Variants in FLNB observed in about 807,000 individuals in gnomAD.
FLNB encodes the protein filamin B.
A neutral mutation model predicts 250.6 loss-of-function variants in FLNB; 111 were observed. That is an observed-to-expected ratio of 0.44 (90% CI 0.38 to 0.52). FLNB has a LOEUF of 0.52. Ranked by LOEUF, FLNB falls within the 20% of genes least tolerant of loss-of-function variation. The pLI, the probability that FLNB is intolerant of heterozygous loss-of-function variation, is 0.00. For synonymous variants in FLNB, 1,302 were observed against 1,372.1 expected, an observed-to-expected ratio of 0.95 and a Z score of 1.13; for missense variants, 2,869 against 3,447.8, an observed-to-expected ratio of 0.83 and a Z score of 4.20.
chr3:58,170,504 T>C (rs542309411), intron 45 of FLNB, 71 bp from the exon 46 acceptor site: 1 of 1,486,480 alleles, frequency 6.7e-7, no homozygotes, highest in Admixed American at 1.8e-5. Flanking sequence ...TACCTTTGGC[T>C]CTCATATTTC....
At chr3:58,166,809 A>T (rs969405137) in intron 43 of FLNB, among the ~76,000 whole-genome samples, 6 of 128,060 alleles carry the variant, frequency 4.7e-5, no homozygotes, top group Admixed American at 8.3e-5. Context: ...GCAACAGAGG[A>T]AGACTTTATC....
chr3:58,033,022 G>A (rs759790127), intron 1 of FLNB, among the ~76,000 whole-genome samples: 4 of 152,100 alleles, frequency 2.6e-5, no homozygotes, highest in African/African-American at 9.7e-5. Context: ...GCAGTGAGCT[G>A]AGATTGCATG....
In FLNB at chr3:58,148,713, T is replaced by C; in HGVS notation, c.5952T>C (p.His1984=). The change falls in exon 36 of 46, where the codon CAT becomes CAC. Residue 1984 remains histidine (H), a synonymous_variant. Coordinates refer to ENST00000295956, the MANE Select transcript of FLNB (RefSeq NM_001457.4). Reference sequence around the variant, plus strand: ...TCAGCATCAAGAAAAATGGCAACCATGTGGCCAACAGCCCCGTGTCTATCA... The same window carrying C: ...TCAGCATCAAGAAAAATGGCAACCACGTGGCCAACAGCCCCGTGTCTATCA... ...HLVSIKKNGN[H]VANSPVSIMV... 6.2e-7 allele frequency: 1 copy of C among 1,614,036 alleles called. No individual in the cohort carries two copies. Among genetic ancestry groups the C allele is most frequent in the Non-Finnish European group, 8.5e-7 (1 of 1,179,982 alleles).
At chr3:58,112,453 T>A in intron 18 of FLNB, 135 bp downstream of exon 18, 1 of 878,234 alleles carries the variant, frequency 1.1e-6, no homozygotes, top group Non-Finnish European at 1.9e-6. Context: ...AGGCAGCTCC[T>A]GGCACTTTGA....
intron 1 of FLNB, among the ~76,000 whole-genome samples, chr3:58,047,913 G>T (rs761862066): frequency 5.9e-5 from 9 of 152,028 alleles, no homozygotes; most frequent in Non-Finnish European, 1.3e-4. Context: ...CTCGTATCAT[G>T]ACCCTTCACC....
intron 1 of FLNB, among the ~76,000 whole-genome samples, chr3:58,048,269 C>G (rs1030290030): frequency 2.6e-5 from 4 of 152,268 alleles, no homozygotes. Context: ...TTGAAGAAAT[C>G]AGGCCCGTTG....
At chr3:58,115,618 C>T (rs987154039) in intron 18 of FLNB, among the ~76,000 whole-genome samples, 1 of 152,206 alleles carries the variant, frequency 6.6e-6, no homozygotes, top group East Asian at 1.9e-4. Flanking sequence ...CCCAAGGTCA[C>T]ATTCATCCAG....
intron 1 of FLNB, among the ~76,000 whole-genome samples, chr3:58,019,868 G>T (rs527651298): frequency 6.6e-6 from 1 of 152,292 alleles, no homozygotes; most frequent in South Asian, 2.1e-4. Context: ...CCCTGCCTTT[G>T]GTTTCCAGGG....
At chr3:58,168,733 CTA>C (rs2097375367) in intron 44 of FLNB, 75 bp downstream of exon 44, 3 of 1,090,834 alleles carry the variant, frequency 2.8e-6, no homozygotes, top group South Asian at 1.3e-5. Flanking sequence ...ATAGTGGAAA[CTA>C]TGGATGGTTT....
At chr3:58,052,961 T>C (rs2097164805) in intron 1 of FLNB, among the ~76,000 whole-genome samples, 2 of 152,352 alleles carry the variant, frequency 1.3e-5, no homozygotes, top group South Asian at 2.1e-4. Flanking sequence ...TTTTTTCTGC[T>C]AGGCAACTGC....
chr3:58,027,371 G>A (rs1320163891), intron 1 of FLNB, among the ~76,000 whole-genome samples: 3 of 151,776 alleles, frequency 2.0e-5, no homozygotes, highest in African/African-American at 4.8e-5. Context: ...GTTGGAGTGC[G>A]GTGGCCCGGT....
intron 41 of FLNB, among the ~76,000 whole-genome samples, chr3:58,156,347 G>A (rs1361081554): frequency 6.6e-6 from 1 of 152,202 alleles, no homozygotes; most frequent in African/African-American, 2.4e-5. Flanking sequence ...GTTTATTTAA[G>A]AGAAACAAAG....
chr3:58,078,055 T>C (rs1483331259), intron 2 of FLNB, among the ~76,000 whole-genome samples: 1 of 152,246 alleles, frequency 6.6e-6, no homozygotes, highest in East Asian at 1.9e-4. Flanking sequence ...TTAGTGGTTC[T>C]TGACATACTC....
chr3:58,034,460 G>A (rs952623701), intron 1 of FLNB, among the ~76,000 whole-genome samples: 2 of 151,442 alleles, frequency 1.3e-5, no homozygotes, highest in African/African-American at 4.9e-5. Context: ...AGTGGTAAGC[G>A]AATCCCTGCT....
chr3:58,055,781 A>G (rs1233463960), intron 1 of FLNB, among the ~76,000 whole-genome samples: 1 of 152,244 alleles, frequency 6.6e-6, no homozygotes, highest in East Asian at 1.9e-4. Flanking sequence ...TTAATAATAT[A>G]CATGGAATTG....
At chr3:58,082,774 C>CAA (rs11325453) in intron 4 of FLNB, among the ~76,000 whole-genome samples, 4 of 142,170 alleles carry the variant, frequency 2.8e-5, no homozygotes, top group Admixed American at 6.9e-5. Context: ...GCCTCCGTCT[C>CAA]AAAAAAAAAA....
chr3:58,041,903 T>A (rs2097146575), intron 1 of FLNB, among the ~76,000 whole-genome samples: 1 of 152,160 alleles, frequency 6.6e-6, no homozygotes, highest in South Asian at 2.1e-4. Context: ...ACCAGAAGGG[T>A]TCCTCATCCA....
chr3:58,024,770 A>G (rs1259936488), intron 1 of FLNB, among the ~76,000 whole-genome samples: 2 of 133,996 alleles, frequency 1.5e-5, no homozygotes, highest in African/African-American at 2.8e-5. Context: ...CTGGATTGCA[A>G]TGGTGCAGTC....
chr3:58,158,544 TA>T (rs2097356673), intron 41 of FLNB, among the ~76,000 whole-genome samples: 1 of 152,194 alleles, frequency 6.6e-6, no homozygotes, highest in South Asian at 2.1e-4. Context: ...GCTTACACAT[TA>T]AGTGTGAGCC....
Sources: gnomAD v4.1 joint callset for allele counts (sites outside exome capture counted in the v4.1 genomes callset) on GRCh38, gnomAD v4.1.1 for gene constraint, MANE v1.5 for transcripts, NCBI Gene and HGNC (gene_info 2026-07-23, HGNC 2026-07-21) for gene names.